PTBP1: variants seen among roughly 807,000 people sequenced by gnomAD.
PTBP1 encodes the protein polypyrimidine tract-binding protein 1.
In PTBP1, 8 loss-of-function variants were observed where a neutral mutation model predicts 59.8. That is an observed-to-expected ratio of 0.13 (90% CI 0.08 to 0.24). The LOEUF (loss-of-function observed/expected upper bound fraction) is 0.24, where lower values mean the gene tolerates loss of function less well. Ranked by LOEUF, PTBP1 falls within the 10% of genes least tolerant of loss-of-function variation. The pLI is 1.00. For synonymous variants in PTBP1, 490 were observed against 320.7 expected, an observed-to-expected ratio of 1.53 and a Z score of -5.64; for missense variants, 686 against 767.0, an observed-to-expected ratio of 0.89 and a Z score of 1.25.
chr19:802,329 A>T (rs930839596), intron 2 of PTBP1, among the ~76,000 whole-genome samples: 3 of 150,736 alleles, frequency 2.0e-5, no homozygotes, highest in African/African-American at 7.4e-5. Context: ...ACGTGGGTGG[A>T]GGGGAGGCGG....
At position 811,574 on chromosome 19, in the gene PTBP1, A is replaced by G. The variant is rs1400997181; in HGVS notation, c.*748A>G. The stretch of plus-strand genomic sequence containing the variant: ...CAAGATGATACAATGGTATGAGTGT[A>G]ATCTAAACTTCCTTGTGGTATTACC... On this transcript the variant is annotated 3_prime_UTR_variant, in exon 15 of 15. Coordinates refer to ENST00000356948, the MANE Select transcript of PTBP1 (RefSeq NM_002819.5). 6.6e-6 allele frequency: 1 copy of G among 152,436 alleles called. No individual in the cohort carries two copies. Among genetic ancestry groups the G allele is most frequent in the Non-Finnish European group, 1.5e-5 (1 of 68,046 alleles). The allele number at this position is 152,436 out of a possible 1,614,324, so 9.4% of individuals were successfully genotyped here.
intron 2 of PTBP1, 61 bp downstream of exon 2, chr19:799,504 G>A: frequency 1.3e-6 from 2 of 1,557,240 alleles, no homozygotes; most frequent in South Asian, 1.1e-5. Flanking sequence ...GACCCCGGGG[G>A]CCACCCCCCA....
intron 13 of PTBP1, 103 bp from the exon 14 acceptor site, chr19:810,437 GCCT>G (rs1175432303): frequency 7.7e-6 from 7 of 904,618 alleles, no homozygotes; most frequent in Non-Finnish European, 1.2e-5. Flanking sequence ...AAGGCCCTAC[GCCT>G]TCCCCGGCTA....
At position 805,498 on chromosome 19, in the gene PTBP1, C is replaced by T; in HGVS notation, c.899C>T (p.Pro300Leu). ...DQTMAAAFGA[P>L]GIISASPYAG... ...GTGTCTCATTTATTTCTAGGTGCACCTGGTATAATCTCAGCCTCTCCGTAT... is the reference window on the plus strand; with the variant it reads ...GTGTCTCATTTATTTCTAGGTGCACTTGGTATAATCTCAGCCTCTCCGTAT... The change falls in exon 9 of 15, where the codon CCT becomes CTT. Residue 300 changes from proline (P) to leucine (L), a missense_variant. Physicochemically the swap from Pro to Leu is moderately conservative, Grantham distance 98. Coordinates refer to ENST00000356948, the MANE Select transcript of PTBP1 (RefSeq NM_002819.5). 1 of 1,613,156 alleles carries T rather than the reference C, an allele frequency of 6.2e-7. No homozygotes were observed. The highest frequency in any genetic ancestry group is 1.1e-5 in the South Asian group (1 of 91,064).
rs570520519 is a variant in PTBP1, at chr19:805,232, T to C, written c.892+45T>C. On this transcript the variant is annotated intron_variant, in intron 8 of 14. Transcript: ENST00000356948. ...GGCGCCAGTGTGCAGAGTGGTCTATTAGGGCCGCTCAGTCCGGAGCCCCGG... is the reference window on the plus strand; with the variant it reads ...GGCGCCAGTGTGCAGAGTGGTCTATCAGGGCCGCTCAGTCCGGAGCCCCGG... 18 of 1,602,200 alleles carry C rather than the reference T, an allele frequency of 1.1e-5. No homozygotes were observed. In the East Asian group the frequency reaches 3.8e-4, roughly 34 times the overall value.
At chr19:805,955 C>T in intron 9 of PTBP1, 2 of 275,650 alleles carry the variant, frequency 7.3e-6, no homozygotes, top group Non-Finnish European at 6.9e-6. Context: ...GACGTGTGTG[C>T]GTGGCCGTCC....
intron 2 of PTBP1, among the ~76,000 whole-genome samples, chr19:800,736 A>G (rs1480002301): frequency 6.6e-6 from 1 of 152,156 alleles, no homozygotes; most frequent in Admixed American, 6.5e-5. Context: ...TTTCATCTGA[A>G]GCATTTGCAA....
intron 14 of PTBP1, 32 bp from the exon 15 acceptor site, chr19:810,662 C>T (rs1208601515): frequency 6.2e-7 from 1 of 1,612,032 alleles, no homozygotes; most frequent in Non-Finnish European, 8.5e-7. Flanking sequence ...CCCAGGCTGC[C>T]CTGCGGCCGG....
rs62131353 is a variant in PTBP1, at chr19:808,824, C to A, written c.1463+62C>A. The A allele has an allele frequency of 1.3e-6, 2 of 1,490,032 alleles. No individual in the cohort carries two copies. Among genetic ancestry groups the A allele is most frequent in the Admixed American group, 1.9e-5 (1 of 51,808 alleles). 92.3% of individuals were successfully genotyped at this position (1,490,032 alleles called of 1,614,324 possible). A position where few individuals can be genotyped will look rare whatever the true frequency, so the allele number is the denominator to read the frequency against. On this transcript the variant is annotated intron_variant, in intron 13 of 14. Transcript: ENST00000356948. The surrounding 1 kb of genome is among the most constrained non-coding windows in gnomAD (Gnocchi z 4.7). ...CGGGCAAGGGCTCTGCTTGGCTGTCCTACCGCGTCGGTGTGTGGACTTCTG... is the reference window on the plus strand; with the variant it reads ...CGGGCAAGGGCTCTGCTTGGCTGTCATACCGCGTCGGTGTGTGGACTTCTG...
intron 2 of PTBP1, among the ~76,000 whole-genome samples, chr19:801,363 C>T (rs1483419438): frequency 3.3e-5 from 5 of 152,242 alleles, no homozygotes; most frequent in Non-Finnish European, 7.3e-5. Flanking sequence ...TGAGCCAAGC[C>T]GGCCTGTGCC....
chr19:805,769 G>A (rs1388762278), intron 9 of PTBP1, 200 bp downstream of exon 9: 1 of 590,358 alleles, frequency 1.7e-6, no homozygotes, highest in Non-Finnish European at 3.0e-6. Context: ...GGAGGCCCAC[G>A]TGTGGACGGC....
chr19:806,615 G>GT, intron 10 of PTBP1, 59 bp downstream of exon 10: 1 of 1,430,410 alleles, frequency 7.0e-7, no homozygotes. Flanking sequence ...AGGGGATGTT[G>GT]TGCTCGGGCT....
intron 8 of PTBP1, 92 bp downstream of exon 8, chr19:805,279 C>T: frequency 7.0e-7 from 1 of 1,431,106 alleles, no homozygotes; most frequent in Non-Finnish European, 9.6e-7. Context: ...CGGCCCTGCA[C>T]CAGGGTGATG....
rs543842514 is a variant in PTBP1, at chr19:808,771, TGGGCCGGGGGGCTCATG to T, written c.1463+20_1463+36del. On this transcript the variant is annotated intron_variant, in intron 13 of 14. Transcript: ENST00000356948. The surrounding 1 kb of genome is among the most constrained non-coding windows in gnomAD (Gnocchi z 4.7). ...CACCTCTCCAACATCCCGTGAGTGC[TGGGCCGGGGGGCTCATG>T]GGGCCGGGGGCGGGCAAGGGCTCTG... is the stretch of plus-strand genomic sequence containing the variant. 31,540 of 1,606,398 alleles carry T rather than the reference TGGGCCGGGGGGCTCATG, an allele frequency of 0.02. 391 individuals carry two copies. The highest frequency in any genetic ancestry group is 0.023 in the Non-Finnish European group (26,541 of 1,176,786).
intron 14 of PTBP1, 29 bp from the exon 15 acceptor site, chr19:810,665 G>A (rs760439876): frequency 6.2e-7 from 1 of 1,611,954 alleles, no homozygotes; most frequent in Non-Finnish European, 8.5e-7. Flanking sequence ...AGGCTGCCCT[G>A]CGGCCGGCCC....
chr19:800,363 A>C (rs1470336483), intron 2 of PTBP1, among the ~76,000 whole-genome samples: 1 of 152,140 alleles, frequency 6.6e-6, no homozygotes, highest in African/African-American at 2.4e-5. Context: ...ATGGAGGGTG[A>C]GGCCAGGGCT....
intron 10 of PTBP1, 45 bp downstream of exon 10, chr19:806,601 G>A (rs781398607): frequency 2.1e-6 from 3 of 1,456,776 alleles, no homozygotes; most frequent in African/African-American, 1.5e-5. Flanking sequence ...CCGGAAGAGC[G>A]AGCAGGGGAT....
At chr19:798,158 C>G (rs1485740466) in intron 1 of PTBP1, among the ~76,000 whole-genome samples, 8 of 151,966 alleles carry the variant, frequency 5.3e-5, no homozygotes, top group Admixed American at 2.0e-4. Context: ...GGGAGAGAAG[C>G]GGCCGCCCCG....
At chr19:803,866 A>G (rs888302806) in intron 3 of PTBP1, among the ~76,000 whole-genome samples, 170 bp from the exon 4 acceptor site, 2 of 152,300 alleles carry the variant, frequency 1.3e-5, no homozygotes, top group African/African-American at 4.8e-5. Flanking sequence ...TGTCGGGAGC[A>G]GGGGTCCTGA....
Sources: allele counts gnomAD v4.1 joint callset (sites outside exome capture counted in the v4.1 genomes callset), GRCh38; gene constraint gnomAD v4.1.1; non-coding constraint Gnocchi (gnomAD v3.1); transcripts MANE v1.5; gene names NCBI Gene and HGNC (gene_info 2026-07-23, HGNC 2026-07-21).